DGCR2: variants seen among roughly 807,000 people sequenced by gnomAD.
The protein encoded by DGCR2 is integral membrane protein DGCR2/IDD.
DGCR2 carries 24 observed loss-of-function variants against 51.6 expected under a neutral mutation model. That is an observed-to-expected ratio of 0.47 (90% confidence interval 0.34 to 0.65). The LOEUF (loss-of-function observed/expected upper bound fraction) is 0.65, where lower values mean the gene tolerates loss of function less well. Among genes scored for constraint, DGCR2 ranks in the 30% least tolerant of loss-of-function variants. The probability of loss-of-function intolerance (pLI) is 0.01; values close to 1 mark genes in which losing one functional copy is unlikely to be tolerated. For missense variants in DGCR2, 765 were observed against 772.1 expected (o/e 0.99, Z 0.11); for synonymous variants, 340 against 315.4 (o/e 1.08, Z -0.82).
chr22:19,112,732 T>G lies in DGCR2; in HGVS notation c.79+9396A>C, dbSNP rs150593805. Among the ~76,000 whole-genome samples, 304 of 144,318 alleles carry G rather than the reference T, an allele frequency of 2.1e-3. 38 individuals carry two copies. Among genetic ancestry groups the G allele is most frequent in the African/African-American group, 7.3e-3 (289 of 39,336 alleles). The allele number at this position is 144,318 out of a possible 152,430, so 94.7% of individuals were successfully genotyped here. ...ATTTCAGGTGTGAACCACCCGGCCCTGCCTCAACACAGTTTTGAACCTAAC... is the reference window on the plus strand; with the variant it reads ...ATTTCAGGTGTGAACCACCCGGCCCGGCCTCAACACAGTTTTGAACCTAAC... On this transcript the variant is annotated intron_variant, in intron 1 of 9. Transcript: ENST00000263196.
chr22:19,040,601 T>C (rs1240479478), intron 9 of DGCR2, among the ~76,000 whole-genome samples: 1 of 152,134 alleles, frequency 6.6e-6, no homozygotes, highest in African/African-American at 2.4e-5. Flanking sequence ...AAGCCACGCT[T>C]TCCTCCCACC....
At chr22:19,072,800 G>A (rs566813269) in intron 2 of DGCR2, among the ~76,000 whole-genome samples, 1 of 152,212 alleles carries the variant, frequency 6.6e-6, no homozygotes, top group East Asian at 1.9e-4. Flanking sequence ...CTTGAACCCG[G>A]GAGGCAGAGG....
intron 2 of DGCR2, among the ~76,000 whole-genome samples, chr22:19,076,141 TTTTA>T (rs758535621): frequency 6.7e-6 from 1 of 149,840 alleles, no homozygotes; most frequent in Non-Finnish European, 1.5e-5. Context: ...TGTATTTTTA[TTTTA>T]TTTATTTTTT....
At chr22:19,070,291 G>C (rs2082799705) in intron 2 of DGCR2, among the ~76,000 whole-genome samples, 1 of 152,208 alleles carries the variant, frequency 6.6e-6, no homozygotes, top group Non-Finnish European at 1.5e-5. Context: ...AGAAAGAACA[G>C]AGGGGCTTTC....
rs1419298488 is a variant in DGCR2, at chr22:19,084,414, G to A, written c.202+4954C>T. 4.3e-5 allele frequency among the ~76,000 whole-genome samples: 6 copies of A among 140,310 alleles called. 1 individual carries two copies. Among genetic ancestry groups the A allele is most frequent in the South Asian group, 5.0e-4 (2 of 4,030 alleles). The allele number at this position is 140,310 out of a possible 152,430, so 92.0% of individuals were successfully genotyped here. On this transcript the variant is annotated intron_variant, in intron 2 of 9. Coordinates refer to ENST00000263196, the MANE Select transcript of DGCR2 (RefSeq NM_005137.3). ...AGGAGCGTCTCCGCCGGGCCACCCCGTCTGAGAAGTGAGGAGCCCCTCCGC... is the reference window on the plus strand; with the variant it reads ...AGGAGCGTCTCCGCCGGGCCACCCCATCTGAGAAGTGAGGAGCCCCTCCGC...
intron 1 of DGCR2, among the ~76,000 whole-genome samples, chr22:19,093,161 A>G (rs2800990): frequency 0.41 from 62,479 of 151,730 alleles, 13,296 homozygotes; most frequent in African/African-American, 0.53. Flanking sequence ...GGGAGCTCCG[A>G]ACCAGCCTGA....
intron 7 of DGCR2, among the ~76,000 whole-genome samples, chr22:19,044,282 C>T (rs2082464367): frequency 6.6e-6 from 1 of 152,232 alleles, no homozygotes; most frequent in Admixed American, 6.5e-5. Flanking sequence ...GCTGATCTCT[C>T]CATGGAGTTC....
chr22:19,105,419 G>A (rs915858168), intron 1 of DGCR2, among the ~76,000 whole-genome samples: 32 of 152,200 alleles, frequency 2.1e-4, no homozygotes, highest in Admixed American at 6.5e-5. Flanking sequence ...TCTAAATGGA[G>A]GGGTCACCTC....
At chr22:19,100,345 T>G (rs977755222) in intron 1 of DGCR2, among the ~76,000 whole-genome samples, 6 of 152,342 alleles carry the variant, frequency 3.9e-5, no homozygotes, top group South Asian at 2.1e-4. Flanking sequence ...TGGTGATGAC[T>G]GTCACCTTGC....
rs780178828 is a variant in DGCR2 at position 19,041,097 on chromosome 22, C to A, written c.1357G>T (p.Ala453Ser). The A allele has an allele frequency of 6.2e-7, 1 of 1,612,026 alleles. No homozygotes were observed. The highest frequency in any genetic ancestry group is 8.5e-7 in the Non-Finnish European group (1 of 1,178,702). ...QPDDPPPPYE[A>S]SIHPDSVFYD... is the part of the protein sequence containing the mutation. ...AACACACTGTCCGGGTGGATGGAGG[C>A]CTCGTAGGGCGGCGGAGGGTCGTCG... Residue 453 changes from alanine (A) to serine (S), a missense_variant, in exon 9 of 10, where the codon GCC becomes TCC. Physicochemically the swap from Ala to Ser is moderately conservative, Grantham distance 99. This residue lies in a region of DGCR2 where 205 missense variants were observed against 181.4 expected (regional missense o/e 1.13). Coordinates refer to ENST00000263196, the MANE Select transcript of DGCR2 (RefSeq NM_005137.3).
chr22:19,066,679 A>T (rs964763169), intron 3 of DGCR2, among the ~76,000 whole-genome samples: 2 of 152,116 alleles, frequency 1.3e-5, no homozygotes, highest in African/African-American at 4.8e-5. Flanking sequence ...GCATGGAGGG[A>T]AGGAGACATC....
intron 1 of DGCR2, among the ~76,000 whole-genome samples, chr22:19,111,246 C>G (rs1032689919): frequency 2.0e-5 from 3 of 152,128 alleles, no homozygotes; most frequent in Non-Finnish European, 4.4e-5. Context: ...CACCCAAGCC[C>G]AAAGAGACAT....
intron 1 of DGCR2, among the ~76,000 whole-genome samples, chr22:19,090,117 A>G (rs906542251): frequency 2.0e-5 from 3 of 152,244 alleles, no homozygotes; most frequent in African/African-American, 7.2e-5. Context: ...TTTGTAGTAG[A>G]AAAGATTAGT....
intron 1 of DGCR2, among the ~76,000 whole-genome samples, chr22:19,091,670 G>A (rs1266179309): frequency 6.6e-6 from 1 of 152,160 alleles, no homozygotes; most frequent in Non-Finnish European, 1.5e-5. Context: ...CCAGCATTCT[G>A]GGAGGCTGAG....
At position 19,062,945 on chromosome 22, in the gene DGCR2, G is replaced by C. The variant is rs568553779; in HGVS notation, c.625+257C>G. Among the ~76,000 whole-genome samples the C allele has an allele frequency of 6.6e-5, 10 of 152,104 alleles. 1 individual carries two copies. Among genetic ancestry groups the C allele is most frequent in the Non-Finnish European group, 1.5e-4 (10 of 68,010 alleles). ...TCCAAGGTCTTTAACTTCAAAAGGA[G>C]GCGGGGGACAATCTAGAAAGCTGGC... is the stretch of plus-strand genomic sequence containing the variant. On this transcript the variant is annotated intron_variant, in intron 5 of 9. Transcript: ENST00000263196.
intron 2 of DGCR2, among the ~76,000 whole-genome samples, chr22:19,082,250 G>C (rs891694638): frequency 9.9e-6 from 1 of 100,754 alleles, no homozygotes; most frequent in African/African-American, 3.9e-5. Flanking sequence ...TTTTTTCATA[G>C]AGACAGGATT....
chr22:19,081,571 G>C (rs2082936896), intron 2 of DGCR2, among the ~76,000 whole-genome samples: 1 of 152,184 alleles, frequency 6.6e-6, no homozygotes, highest in Admixed American at 6.5e-5. Context: ...CAAAAATTAA[G>C]ATGTCTGACA....
intron 2 of DGCR2, among the ~76,000 whole-genome samples, chr22:19,086,482 TA>T (rs947516600): frequency 6.8e-5 from 10 of 146,258 alleles, no homozygotes; most frequent in South Asian, 2.2e-4. Flanking sequence ...CCATCTCAAA[TA>T]AAAAAAAAAG....
At chr22:19,061,783 G>A (rs946120718) in intron 5 of DGCR2, 4 of 152,196 alleles carry the variant, frequency 2.6e-5, no homozygotes, top group Admixed American at 6.6e-5. Context: ...GGTCACCTCC[G>A]TGGAGCTCCG....
Sources: allele counts gnomAD v4.1 joint callset (sites outside exome capture counted in the v4.1 genomes callset), GRCh38; gene constraint gnomAD v4.1.1; regional missense constraint gnomAD v4.1.1; transcripts MANE v1.5; gene names NCBI Gene and HGNC (gene_info 2026-07-23, HGNC 2026-07-21).